DYNC2H1: variants seen among roughly 807,000 people sequenced by gnomAD.
DYNC2H1 encodes dynein cytoplasmic 2 heavy chain 1.
Under a neutral mutation model 570.0 loss-of-function variants are expected in DYNC2H1, and 410 were observed. That is an observed-to-expected ratio of 0.72 (90% CI 0.66 to 0.78). The LOEUF is 0.78. Ranked by LOEUF, DYNC2H1 falls within the 30% of genes least tolerant of loss-of-function variation. DYNC2H1 has a pLI of 0.00. For synonymous variants in DYNC2H1, 1,688 were observed against 1,677.6 expected (o/e 1.01, Z -0.15); for missense variants, 4,865 against 5,046.4 (o/e 0.96, Z 1.09).
At chr11:103,178,861 A>T (rs1861733754) in intron 38 of DYNC2H1, among the ~76,000 whole-genome samples, 165 bp from the exon 39 acceptor site, 1 of 152,064 alleles carries the variant, frequency 6.6e-6, no homozygotes, top group South Asian at 2.1e-4. Context: ...ATTACATGAT[A>T]TATATCTGAG....
At chr11:103,188,714 A>G (rs950092777) in intron 44 of DYNC2H1, 66 bp downstream of exon 44, 19 of 1,258,374 alleles carry the variant, frequency 1.5e-5, no homozygotes, top group Non-Finnish European at 1.8e-5. Flanking sequence ...AATTTTATTT[A>G]AAGTATTTAT....
At chr11:103,126,089 G>T (rs1020480267) in intron 12 of DYNC2H1, among the ~76,000 whole-genome samples, 1 of 151,916 alleles carries the variant, frequency 6.6e-6, no homozygotes, top group Non-Finnish European at 1.5e-5. Flanking sequence ...TATTTTAGAT[G>T]GCAGGAACAG....
At chr11:103,367,140 A>T (rs190434361) in intron 83 of DYNC2H1, among the ~76,000 whole-genome samples, 33 of 152,266 alleles carry the variant, frequency 2.2e-4, no homozygotes, top group Admixed American at 2.0e-3. Context: ...AATGAATAAT[A>T]TATGAGTTGT....
chr11:103,444,566 A>G (rs1018815178), intron 85 of DYNC2H1, among the ~76,000 whole-genome samples: 4 of 152,192 alleles, frequency 2.6e-5, no homozygotes, highest in Non-Finnish European at 4.4e-5. Context: ...ATTGAAAATG[A>G]ATTAAACTTT....
intron 30 of DYNC2H1, among the ~76,000 whole-genome samples, chr11:103,164,160 T>C (rs1861206493): frequency 6.6e-6 from 1 of 152,128 alleles, no homozygotes; most frequent in Admixed American, 6.6e-5. Context: ...ATAAATCAAC[T>C]TAGAATAAAA....
intron 82 of DYNC2H1, among the ~76,000 whole-genome samples, chr11:103,355,976 G>C (rs2566914): frequency 0.54 from 82,618 of 152,002 alleles, 24,496 homozygotes; most frequent in Admixed American, 0.66. Flanking sequence ...TCCTGAGTTG[G>C]TAGGATTGCA....
chr11:103,278,049 TG>T (rs1865979952), intron 70 of DYNC2H1, among the ~76,000 whole-genome samples: 1 of 152,186 alleles, frequency 6.6e-6, no homozygotes, highest in Non-Finnish European at 1.5e-5. Context: ...CAGCCATAGC[TG>T]GTTTTAATGC....
At chr11:103,121,163 A>C in intron 9 of DYNC2H1, 127 bp downstream of exon 9, 1 of 900,066 alleles carries the variant, frequency 1.1e-6, no homozygotes, top group Non-Finnish European at 1.6e-6. Flanking sequence ...AGATTAATTT[A>C]CTTATTCTGT....
At chr11:103,171,948 C>T (rs909822582) in intron 34 of DYNC2H1, among the ~76,000 whole-genome samples, 2 of 152,120 alleles carry the variant, frequency 1.3e-5, no homozygotes, top group African/African-American at 2.4e-5. Context: ...AGGAGATATA[C>T]ATTAATGTCA....
chr11:103,260,049 A>ATTTATAAATATATATATTTATAAAT lies in DYNC2H1; in HGVS notation c.10695+72_10695+73insTTTATAAATATATATATTTATAAAT, dbSNP rs376165179. ...GATTTAACGTAATATTTATAGTTAT[A>ATTTATAAATATATATATTTATAAAT]GTATAACTCTTTCCCTACTGGAAAG... On this transcript the variant is annotated intron_variant, in intron 70 of 88. Coordinates refer to ENST00000375735, the MANE Select transcript of DYNC2H1 (RefSeq NM_001377.3). 1.2e-4 allele frequency: 106 copies of ATTTATAAATATATATATTTATAAAT among 898,790 alleles called. 4 individuals are homozygous for ATTTATAAATATATATATTTATAAAT. The highest frequency in any genetic ancestry group is 4.4e-4 in the South Asian group (21 of 47,364). 55.7% of individuals were successfully genotyped at this position (898,790 alleles called of 1,614,324 possible).
rs1484794900 is a variant in DYNC2H1, at chr11:103,181,713, T to C, written c.6348-44T>C. The C allele has an allele frequency of 3.4e-6, 5 of 1,480,682 alleles. No individual in the cohort carries two copies. The highest frequency in any genetic ancestry group is 4.5e-6 in the Non-Finnish European group (5 of 1,104,618). The allele number at this position is 1,480,682 out of a possible 1,614,324, so 91.7% of individuals were successfully genotyped here. A position where few individuals can be genotyped will look rare whatever the true frequency, so the allele number is the denominator to read the frequency against. ...AGAAATTTATTTTAATGTAAATTGATAATTTCTTCCTAAGTAATTTTTTAT... is the reference window on the plus strand; with the variant it reads ...AGAAATTTATTTTAATGTAAATTGACAATTTCTTCCTAAGTAATTTTTTAT... On this transcript the variant is annotated intron_variant, in intron 39 of 88. Coordinates refer to ENST00000375735, the MANE Select transcript of DYNC2H1 (RefSeq NM_001377.3). This position sits in a 1 kb window ranked among gnomAD's most constrained non-coding sequence, Gnocchi z 5.0.
rs147739036 is a variant in DYNC2H1 at position 103,399,816 on chromosome 11, A to C, written c.12310A>C (p.Thr4104Pro). 4 of 1,613,972 alleles carry C rather than the reference A, an allele frequency of 2.5e-6. No individual in the cohort carries two copies. In the African/African-American group the frequency reaches 5.3e-5, roughly 22 times the overall value. ...LAALSKVIRG[T>P]TLLSSEVQKL... ...TGCTCTCAGCAAAGTCATCAGAGGA[A>C]CTACTTTACTGAGTTCAGAAGTACA... is the stretch of plus-strand genomic sequence containing the variant. The change falls in exon 84 of 89, where the codon ACT becomes CCT. Residue 4104 changes from threonine (T) to proline (P), a missense_variant. Coordinates refer to ENST00000375735, the MANE Select transcript of DYNC2H1 (RefSeq NM_001377.3).
At chr11:103,425,680 AT>A (rs1319833128) in intron 84 of DYNC2H1, among the ~76,000 whole-genome samples, 2 of 152,124 alleles carry the variant, frequency 1.3e-5, no homozygotes, top group African/African-American at 4.8e-5. Context: ...AACTTTTAAA[AT>A]AATGGCTATT....
At position 103,287,153 on chromosome 11, in the gene DYNC2H1, T is replaced by TA. The variant is rs1412546208; in HGVS notation, c.11023-377dup. 4.1e-5 allele frequency among the ~76,000 whole-genome samples: 6 copies of TA among 146,254 alleles called. No individual in the cohort carries two copies. In the East Asian group the frequency reaches 1.2e-3, roughly 30 times the overall value. On this transcript the variant is annotated intron_variant, in intron 74 of 88. Transcript: ENST00000375735. The stretch of plus-strand genomic sequence containing the variant: ...CAAGATGCTATTTCTATTTTTTTTT[T>TA]AAACGTAAAAATAGTGATTTGAAAA...
intron 70 of DYNC2H1, among the ~76,000 whole-genome samples, chr11:103,269,384 T>C (rs534749003): frequency 6.6e-6 from 1 of 152,358 alleles, no homozygotes; most frequent in African/African-American, 2.4e-5. Context: ...TTATATTTAA[T>C]GAAAGCTTTT....
At chr11:103,467,697 C>G (rs1945237734) in intron 87 of DYNC2H1, among the ~76,000 whole-genome samples, 1 of 152,120 alleles carries the variant, frequency 6.6e-6, no homozygotes, top group Non-Finnish European at 1.5e-5. Context: ...GCCACCACGC[C>G]CAGCTAATTT....
chr11:103,417,068 C>T (rs941491620), intron 84 of DYNC2H1, among the ~76,000 whole-genome samples: 7 of 152,006 alleles, frequency 4.6e-5, no homozygotes, highest in Admixed American at 2.0e-4. Flanking sequence ...AAATCAAAAC[C>T]ACAATGAGAT....
rs549087293 is a variant in DYNC2H1 at position 103,369,669 on chromosome 11, T to C, written c.12156+11310T>C. Among the ~76,000 whole-genome samples, 1 of 152,262 alleles carries C rather than the reference T, an allele frequency of 6.6e-6. No homozygotes were observed. Among genetic ancestry groups the C allele is most frequent in the African/African-American group, 2.4e-5 (1 of 41,542 alleles). Reference sequence around the variant, plus strand: ...ACCAGTCAAAGTTGTGAGCCCTTTTTCTAGGCCCTAGCTCCCGGGCAACAT... The same window carrying C: ...ACCAGTCAAAGTTGTGAGCCCTTTTCCTAGGCCCTAGCTCCCGGGCAACAT... On this transcript the variant is annotated intron_variant, in intron 83 of 88. Transcript: ENST00000375735. The surrounding 1 kb of genome is among the most constrained non-coding windows in gnomAD (Gnocchi z 4.0).
chr11:103,334,145 A>G lies in DYNC2H1; in HGVS notation c.12039+10155A>G, dbSNP rs540723902. ...CTTTGAAAATATCCTTACTAATTTA[A>G]TGATTTGAATGAAATCGAGATACAA... On this transcript the variant is annotated intron_variant, in intron 82 of 88. Coordinates refer to ENST00000375735, the MANE Select transcript of DYNC2H1 (RefSeq NM_001377.3). This position sits in a 1 kb window ranked among gnomAD's most constrained non-coding sequence, Gnocchi z 4.3. Among the ~76,000 whole-genome samples, 1 of 152,338 alleles carries G rather than the reference A, an allele frequency of 6.6e-6. No homozygotes were observed. Among genetic ancestry groups the G allele is most frequent in the East Asian group, 1.9e-4 (1 of 5,192 alleles).
Sources: gnomAD v4.1 joint callset for allele counts (sites outside exome capture counted in the v4.1 genomes callset) on GRCh38, gnomAD v4.1.1 for gene constraint, Gnocchi (gnomAD v3.1) non-coding constraint, MANE v1.5 for transcripts, NCBI Gene and HGNC (gene_info 2026-07-23, HGNC 2026-07-21) for gene names.